The following EML3 variants were observed in gnomAD, a reference collection of about 807,000 sequenced individuals.
EML3 encodes the protein echinoderm microtubule-associated protein-like 3.
A neutral mutation model predicts 106.7 loss-of-function variants in EML3; 53 were observed. The ratio of observed to expected loss-of-function variants is 0.50; its 90% CI spans 0.40 to 0.62. EML3 has a LOEUF of 0.62. Among genes scored for constraint, EML3 ranks in the 20% least tolerant of loss-of-function variants. The pLI, the probability that EML3 is intolerant of heterozygous loss-of-function variation, is 0.00. For synonymous variants in EML3, 499 were observed against 489.6 expected, an observed-to-expected ratio of 1.02 and a Z score of -0.25; for missense variants, 994 against 1,209.1, an observed-to-expected ratio of 0.82 and a Z score of 2.64.
chr11:62,603,183 A>G lies in EML3; in HGVS notation c.2322T>C (p.Ala774=), dbSNP rs1219976047. The G allele has an allele frequency of 6.2e-7, 1 of 1,613,984 alleles. No individual in the cohort carries two copies. The highest frequency in any genetic ancestry group is 8.5e-7 in the Non-Finnish European group (1 of 1,180,028). The change falls in exon 20 of 22, where the codon GCT becomes GCC. Residue 774 remains alanine (A), a synonymous_variant. Transcript: ENST00000394773. ...GAAAGCCCAGCACACAGGTGTAGGTAGCCCATTCCCGGTCTCGGCTCTCAT... is the reference window on the plus strand; with the variant it reads ...GAAAGCCCAGCACACAGGTGTAGGTGGCCCATTCCCGGTCTCGGCTCTCAT... ...NRYESRDREW[A]TYTCVLGFHV... is the part of the protein sequence containing the mutation.
intron 5 of EML3, 25 bp from the exon 6 acceptor site, chr11:62,609,502 A>C (rs1340194143): frequency 6.5e-7 from 1 of 1,545,910 alleles, no homozygotes; most frequent in East Asian, 2.3e-5. Context: ...GGTGGTGTCA[A>C]CTACCCCCTT....
At chr11:62,603,115 C>T in intron 20 of EML3, 34 bp downstream of exon 20, 1 of 1,611,464 alleles carries the variant, frequency 6.2e-7, no homozygotes, top group Non-Finnish European at 8.5e-7. Context: ...CCTTGTCCCC[C>T]ACCCTTCCAG....
intron 16 of EML3, 25 bp from the exon 17 acceptor site, chr11:62,604,226 G>C (rs1051526750): frequency 1.9e-6 from 3 of 1,611,776 alleles, no homozygotes; most frequent in Non-Finnish European, 2.5e-6. Context: ...AGTGGAGGCA[G>C]ATAGGAAGAC....
At chr11:62,610,205 G>T (rs1314058621) in intron 4 of EML3, among the ~76,000 whole-genome samples, 1 of 152,190 alleles carries the variant, frequency 6.6e-6, no homozygotes, top group Admixed American at 6.5e-5. Flanking sequence ...CAGGGATCCG[G>T]GAGGCAAGCA....
At chr11:62,609,200 C>A in intron 6 of EML3, 68 bp from the exon 7 acceptor site, 1 of 1,599,634 alleles carries the variant, frequency 6.3e-7, no homozygotes, top group Non-Finnish European at 8.5e-7. Flanking sequence ...GGGAGAAAGA[C>A]AGAGCTTCTG....
chr11:62,605,576 A>G lies in EML3; in HGVS notation c.1914+66T>C. 1 of 1,498,166 alleles carries G rather than the reference A, an allele frequency of 6.7e-7. No individual in the cohort carries two copies. The highest frequency in any genetic ancestry group is 1.4e-5 in the South Asian group (1 of 72,448). The allele number at this position is 1,498,166 out of a possible 1,614,324, so 92.8% of individuals were successfully genotyped here. A position where few individuals can be genotyped will look rare whatever the true frequency, so the allele number is the denominator to read the frequency against. The stretch of plus-strand genomic sequence containing the variant: ...GGAGGCAGAAGGCAAGGTGCTGGGG[A>G]AGGCGTGGTGGCCACAGGTGTCCTG... On this transcript the variant is annotated intron_variant, in intron 15 of 21. Transcript: ENST00000394773. This position sits in a 1 kb window ranked among gnomAD's most constrained non-coding sequence, Gnocchi z 5.2.
At chr11:62,607,950 AAACCCTGGTCCCCTAAG>A (rs1195533969) in intron 10 of EML3, 129 bp from the exon 11 acceptor site, 1 of 1,114,090 alleles carries the variant, frequency 9.0e-7, no homozygotes, top group Non-Finnish European at 1.3e-6. Flanking sequence ...CCTTCTTTCA[AAACCCTGGTCCCCTAAG>A]AGCACTATTT....
rs1216902108 is a variant in EML3 at position 62,602,492 on chromosome 11, A to C, written c.2674T>G (p.Ser892Ala). 2.6e-6 allele frequency: 4 copies of C among 1,530,828 alleles called. No individual in the cohort carries two copies. Among genetic ancestry groups the C allele is most frequent in the Non-Finnish European group, 3.5e-6 (4 of 1,136,918 alleles). 94.8% of individuals were successfully genotyped at this position (1,530,828 alleles called of 1,614,324 possible). ...GGCAGCGATCAAACGTCGAGGGAGG[A>C]GGCGGGGGACAGGGAGGGGGTTCGA... ...PSRTPSLSPA[S>A]SLDV is the part of the protein sequence containing the mutation. Residue 892 changes from serine (S) to alanine (A), a missense_variant, in exon 22 of 22, where the codon TCC (serine) becomes GCC (alanine). Physicochemically the swap from Ser to Ala is moderately conservative, Grantham distance 99 (BLOSUM62 1). Coordinates refer to ENST00000394773, the MANE Select transcript of EML3 (RefSeq NM_153265.3).
chr11:62,606,218 T>C lies in EML3; in HGVS notation c.1505-4A>G. The C allele has an allele frequency of 6.2e-7, 1 of 1,613,592 alleles. No individual in the cohort carries two copies. Among genetic ancestry groups the C allele is most frequent in the Non-Finnish European group, 8.5e-7 (1 of 1,179,886 alleles). ...TGGGCCACAATCCCATAGGTCTCTG[T>C]TGGCAAAGCCCCAGGTAGATCATGT... is the stretch of plus-strand genomic sequence containing the variant. On this transcript the variant is annotated splice_region_variant and splice_polypyrimidine_tract_variant and intron_variant, in intron 12 of 21. Coordinates refer to ENST00000394773, the MANE Select transcript of EML3 (RefSeq NM_153265.3).
rs181324718 is a variant in EML3, at chr11:62,611,845, G to T, written c.23-249C>A. On this transcript the variant is annotated intron_variant, in intron 1 of 21. Transcript: ENST00000394773. Reference sequence around the variant, plus strand: ...GTCTCAGCCTCCGCAAAGACTGGGAGTACCATGGAGTACCGGGGGGGAAAT... The same window carrying T: ...GTCTCAGCCTCCGCAAAGACTGGGATTACCATGGAGTACCGGGGGGGAAAT... The T allele has an allele frequency of 1.4e-4, 80 of 552,864 alleles. No individual in the cohort carries two copies. In the East Asian group the frequency reaches 2.0e-3, roughly 14 times the overall value. 34.2% of individuals were successfully genotyped at this position (552,864 alleles called of 1,614,324 possible).
Position 62,606,868 on chromosome 11 carries a change from A to G in EML3, c.1504+90T>C. ...TAAGACCTCATCTCAAAAAAAAAAA[A>G]AAAAAAGATGGGAATGGGAAACCCT... On this transcript the variant is annotated intron_variant, in intron 12 of 21. Transcript: ENST00000394773. The G allele has an allele frequency of 2.1e-6, 3 of 1,430,570 alleles. No individual in the cohort carries two copies. The South Asian group carries it at 4.4e-5, about 21-fold the overall frequency. 88.6% of individuals were successfully genotyped at this position (1,430,570 alleles called of 1,614,324 possible).
chr11:62,603,590 G>A (rs761282231), intron 19 of EML3, 139 bp downstream of exon 19: 2 of 731,762 alleles, frequency 2.7e-6, no homozygotes, highest in South Asian at 1.8e-5. Flanking sequence ...TCCAAATCAC[G>A]AAATTTCTCC....
chr11:62,612,348 G>A, intron 1 of EML3, 88 bp downstream of exon 1: 1 of 1,324,610 alleles, frequency 7.5e-7, no homozygotes, highest in Non-Finnish European at 1.0e-6. Context: ...ACGCGGGGAC[G>A]CCTCCAGACA....
At position 62,607,019 on chromosome 11, in the gene EML3, G is replaced by A. The variant is rs375338318; in HGVS notation, c.1443C>T (p.Asn481=). Residue 481 remains asparagine (N), a synonymous_variant, in exon 12 of 22, where the codon AAC becomes AAT. Transcript: ENST00000394773. Reference sequence around the variant, plus strand: ...AAGGGCTCCGCCCCCAGGTGAGAATGTTCCCCTCTGAGTCTCCAGTGAGAA... The same window carrying A: ...AAGGGCTCCGCCCCCAGGTGAGAATATTCCCCTCTGAGTCTCCAGTGAGAA... ...GDILTGDSEG[N]ILTWGRSPSD... 24 of 1,614,056 alleles carry A rather than the reference G, an allele frequency of 1.5e-5. No individual in the cohort carries two copies. Among genetic ancestry groups the A allele is most frequent in the Middle Eastern group, 1.6e-4 (1 of 6,082 alleles).
chr11:62,608,590 T>C lies in EML3; in HGVS notation c.1062A>G (p.Gly354=), dbSNP rs748739726. ...CAACACCCCGCTCGAAGGCCCCCAG[T>C]CCAATCTCCTGCAGTTTCAACAGCG... The part of the protein sequence containing the change: ...SETLLKLQEI[G]LGAFERGVGA... Residue 354 remains glycine (G), a synonymous_variant, in exon 9 of 22, where the codon GGA becomes GGG. Transcript: ENST00000394773. The C allele has an allele frequency of 1.9e-6, 3 of 1,614,136 alleles. No homozygotes were observed. The East Asian group carries it at 6.7e-5, about 36-fold the overall frequency.
intron 1 of EML3, chr11:62,612,019 A>C: frequency 2.8e-6 from 1 of 355,400 alleles, no homozygotes. Flanking sequence ...AGGAGAGAGA[A>C]CGGGGTGCGG....
At chr11:62,612,408 C>A in intron 1 of EML3, 28 bp downstream of exon 1, 1 of 1,500,694 alleles carries the variant, frequency 6.7e-7, no homozygotes, top group Admixed American at 2.1e-5. Flanking sequence ...CGGGAAGGGG[C>A]ACGCCGCCCG....
Position 62,608,134 on chromosome 11 carries a change from A to G in EML3, c.1206+67T>C, listed in dbSNP as rs547267419. 4.3e-5 allele frequency: 62 copies of G among 1,450,172 alleles called. No individual in the cohort carries two copies. In the East Asian group the frequency reaches 1.4e-3, roughly 32 times the overall value. 89.8% of individuals were successfully genotyped at this position (1,450,172 alleles called of 1,614,324 possible). A position where few individuals can be genotyped will look rare whatever the true frequency, so the allele number is the denominator to read the frequency against. ...GAAGGAAATGTATGGGTGAGTCTGG[A>G]GCTCCCTGCACTCCACCACTCCCAC... On this transcript the variant is annotated intron_variant, in intron 10 of 21. Coordinates refer to ENST00000394773, the MANE Select transcript of EML3 (RefSeq NM_153265.3).
chr11:62,610,146 C>A (rs1396218525), intron 4 of EML3, among the ~76,000 whole-genome samples: 1 of 152,196 alleles, frequency 6.6e-6, no homozygotes, highest in Non-Finnish European at 1.5e-5. Context: ...TTTCCCCATC[C>A]GTAAAATGGG....
Sources: allele counts gnomAD v4.1 joint callset (sites outside exome capture counted in the v4.1 genomes callset), GRCh38; gene constraint gnomAD v4.1.1; non-coding constraint Gnocchi (gnomAD v3.1); transcripts MANE v1.5; gene names NCBI Gene and HGNC (gene_info 2026-07-23, HGNC 2026-07-21).